The following CDH9 variants were observed in gnomAD, a reference collection of about 807,000 sequenced individuals.
CDH9 encodes the protein cadherin-9.
Under a neutral mutation model 70.9 loss-of-function variants are expected in CDH9, and 28 were observed. The ratio of observed to expected loss-of-function variants is 0.40; its 90% CI spans 0.29 to 0.54. The LOEUF (loss-of-function observed/expected upper bound fraction) is 0.54. CDH9 is among the 20% of genes least tolerant of loss of function. The pLI is 0.59. For synonymous variants in CDH9, 409 were observed against 343.1 expected, an observed-to-expected ratio of 1.19 and a Z score of -2.12; for missense variants, 874 against 984.4, an observed-to-expected ratio of 0.89 and a Z score of 1.50.
chr5:26,927,435 G>A (rs754981169), intron 2 of CDH9, among the ~76,000 whole-genome samples: 27 of 151,944 alleles, frequency 1.8e-4, no homozygotes, highest in Non-Finnish European at 3.5e-4. Context: ...CAATGCGGAT[G>A]CCATTATAAT....
intron 2 of CDH9, among the ~76,000 whole-genome samples, chr5:26,986,406 GA>G (rs1428654833): frequency 6.6e-6 from 1 of 152,002 alleles, no homozygotes; most frequent in Non-Finnish European, 1.5e-5. Context: ...ACAGATTATG[GA>G]ATTAATTAAA....
rs1010150729 is a variant in CDH9, at chr5:26,923,627, C to T, written c.229-7703G>A. On this transcript the variant is annotated intron_variant, in intron 2 of 11. Transcript: ENST00000231021. ...ATCTAATGGCTGCAGAACATACATT[C>T]TTATTGATAATTTTCAAGGATAGAT... is the stretch of plus-strand genomic sequence containing the variant. 2.0e-5 allele frequency among the ~76,000 whole-genome samples: 3 copies of T among 151,952 alleles called. No homozygotes were observed. In the East Asian group the frequency reaches 5.8e-4, roughly 29 times the overall value.
At chr5:26,928,078 ATCT>A (rs200686923) in intron 2 of CDH9, among the ~76,000 whole-genome samples, 3,386 of 152,184 alleles carry the variant, frequency 0.022, 63 homozygotes, top group African/African-American at 0.051. Context: ...AGATGATATA[ATCT>A]TCTATTTTGA....
At chr5:27,025,517 A>G (rs1473193206) in intron 1 of CDH9, among the ~76,000 whole-genome samples, 1 of 152,088 alleles carries the variant, frequency 6.6e-6, no homozygotes, top group Non-Finnish European at 1.5e-5. Flanking sequence ...GAGGGAAGAG[A>G]AGCCGTAAAA....
intron 2 of CDH9, among the ~76,000 whole-genome samples, chr5:26,956,341 C>CT (rs879311496): frequency 2.0e-4 from 30 of 152,114 alleles, no homozygotes; most frequent in Non-Finnish European, 3.2e-4. Flanking sequence ...CATTAAACCT[C>CT]TTTTTTTTCT....
Position 26,947,481 on chromosome 5 carries a change from A to G in CDH9, c.229-31557T>C, listed in dbSNP as rs78303090. Among the ~76,000 whole-genome samples, 5 of 152,320 alleles carry G rather than the reference A, an allele frequency of 3.3e-5. No individual in the cohort carries two copies. In the East Asian group the frequency reaches 9.6e-4, roughly 29 times the overall value. ...TGACAGAACTCAATTATGGCTACTT[A>G]GCAGAGACCTCTTGAGTTTTTGACA... On this transcript the variant is annotated intron_variant, in intron 2 of 11. Coordinates refer to ENST00000231021, the MANE Select transcript of CDH9 (RefSeq NM_016279.4).
chr5:26,903,466 G>A (rs769433415), intron 6 of CDH9, 171 bp downstream of exon 6: 1 of 703,640 alleles, frequency 1.4e-6, no homozygotes, highest in Non-Finnish European at 2.6e-6. Flanking sequence ...TGTCAATTAT[G>A]AAGACATTTA....
At chr5:26,947,340 G>T (rs1741771880) in intron 2 of CDH9, among the ~76,000 whole-genome samples, 1 of 152,070 alleles carries the variant, frequency 6.6e-6, no homozygotes, top group African/African-American at 2.4e-5. Context: ...CCTGAAAAAA[G>T]TAACCATTAA....
intron 3 of CDH9, among the ~76,000 whole-genome samples, chr5:26,908,409 G>T (rs1740986806): frequency 1.3e-5 from 2 of 151,958 alleles, no homozygotes; most frequent in African/African-American, 4.8e-5. Context: ...AATAAGTGTG[G>T]TTTTCACAAT....
intron 7 of CDH9, among the ~76,000 whole-genome samples, chr5:26,900,562 A>T (rs770228577): frequency 1.3e-5 from 2 of 152,120 alleles, no homozygotes; most frequent in Non-Finnish European, 2.9e-5. Flanking sequence ...AAGAAAAGAT[A>T]ACATGGATTA....
intron 2 of CDH9, among the ~76,000 whole-genome samples, chr5:26,961,063 G>A (rs182826229): frequency 5.9e-5 from 9 of 152,086 alleles, no homozygotes; most frequent in African/African-American, 2.2e-4. Flanking sequence ...TCTTAAAGTT[G>A]ATTGCCCATT....
intron 6 of CDH9, chr5:26,903,033 T>C (rs915593421): frequency 1.7e-5 from 4 of 236,270 alleles, no homozygotes; most frequent in East Asian, 2.1e-4. Context: ...TTATGTATTA[T>C]CATTATTAAA....
intron 2 of CDH9, among the ~76,000 whole-genome samples, chr5:26,961,948 G>A (rs1742044135): frequency 6.6e-6 from 1 of 152,012 alleles, no homozygotes; most frequent in Non-Finnish European, 1.5e-5. Flanking sequence ...TTTACATTAG[G>A]TATTTCTCCT....
At chr5:26,974,073 C>T (rs1196272973) in intron 2 of CDH9, among the ~76,000 whole-genome samples, 3 of 151,940 alleles carry the variant, frequency 2.0e-5, no homozygotes, top group Non-Finnish European at 4.4e-5. Flanking sequence ...GGTGAAACCT[C>T]GTCTCTACTA....
intron 2 of CDH9, among the ~76,000 whole-genome samples, chr5:26,949,640 G>A (rs1342872962): frequency 1.3e-5 from 2 of 152,076 alleles, no homozygotes; most frequent in African/African-American, 4.8e-5. Flanking sequence ...ATCACCACTG[G>A]CCCCATTTTT....
At chr5:26,995,577 T>A (rs1364140285) in intron 1 of CDH9, among the ~76,000 whole-genome samples, 1 of 152,120 alleles carries the variant, frequency 6.6e-6, no homozygotes, top group South Asian at 2.1e-4. Context: ...TCAGTACAAC[T>A]CTCTTGGGGC....
At position 26,903,970 on chromosome 5, in the gene CDH9, A is replaced by G. The variant is rs1740902544; in HGVS notation, c.812-146T>C. 9 of 542,136 alleles carry G rather than the reference A, an allele frequency of 1.7e-5. No homozygotes were observed. The South Asian group carries it at 2.4e-4, about 15-fold the overall frequency. 33.6% of individuals were successfully genotyped at this position (542,136 alleles called of 1,614,324 possible). ...TGTAAGCTGTCAAAATTGTATATTT[A>G]TTAATTTGGAAAAATAATTTATAAA... On this transcript the variant is annotated intron_variant, in intron 5 of 11. Transcript: ENST00000231021.
At chr5:26,936,007 C>G (rs1457163220) in intron 2 of CDH9, among the ~76,000 whole-genome samples, 2 of 152,010 alleles carry the variant, frequency 1.3e-5, no homozygotes, top group Admixed American at 1.3e-4. Flanking sequence ...GATGGAAAAC[C>G]AAATATCATA....
At chr5:26,908,834 A>C (rs1740995760) in intron 3 of CDH9, among the ~76,000 whole-genome samples, 1 of 152,218 alleles carries the variant, frequency 6.6e-6, no homozygotes, top group Non-Finnish European at 1.5e-5. Context: ...TCACTGACAA[A>C]ATATCATTGA....
Sources: gnomAD v4.1 joint callset for allele counts (sites outside exome capture counted in the v4.1 genomes callset) on GRCh38, gnomAD v4.1.1 for gene constraint, MANE v1.5 for transcripts, NCBI Gene and HGNC (gene_info 2026-07-23, HGNC 2026-07-21) for gene names.